C10orf90: variants seen among roughly 807,000 people sequenced by gnomAD.
The protein encoded by C10orf90 is (E2-independent) E3 ubiquitin-conjugating enzyme FATS.
In C10orf90, 56 loss-of-function variants were observed where a neutral mutation model predicts 62.5. That is an observed-to-expected ratio of 0.90 (90% CI 0.72 to 1.12). The LOEUF (loss-of-function observed/expected upper bound fraction) is 1.12, where lower values mean the gene tolerates loss of function less well. Among genes scored for constraint, C10orf90 ranks in the 50% most tolerant of loss-of-function variants. The pLI, the probability that C10orf90 is intolerant of heterozygous loss-of-function variation, is 0.00. For missense variants in C10orf90, 970 were observed against 880.4 expected, an observed-to-expected ratio of 1.10 and a Z score of -1.29; for synonymous variants, 386 against 340.4, an observed-to-expected ratio of 1.13 and a Z score of -1.47.
intron 1 of C10orf90, among the ~76,000 whole-genome samples, chr10:126,653,926 T>C (rs1302240410): frequency 1.3e-5 from 2 of 152,230 alleles, no homozygotes; most frequent in African/African-American, 4.8e-5. Flanking sequence ...AGCTCTTGGG[T>C]AACTGGGTAC....
rs11245037 is a variant in C10orf90 at position 126,551,255 on chromosome 10, T to C, written c.314-37316A>G. Among the ~76,000 whole-genome samples the C allele has an allele frequency of 1.1e-4, 16 of 152,346 alleles. No individual in the cohort carries two copies. In the East Asian group the frequency reaches 2.9e-3, roughly 28 times the overall value. The stretch of plus-strand genomic sequence containing the variant: ...AGAGAGAACATTTGCTATAATGCAC[T>C]GGCAAATAATAAATGCTTAGTAGCT... On this transcript the variant is annotated intron_variant, in intron 2 of 9. Coordinates refer to ENST00000488181, the MANE Select transcript of C10orf90 (RefSeq NM_001350921.2).
chr10:126,569,752 T>C (rs1383434234), intron 2 of C10orf90, among the ~76,000 whole-genome samples: 1 of 152,098 alleles, frequency 6.6e-6, no homozygotes, highest in Non-Finnish European at 1.5e-5. Context: ...CTCAGTGTTA[T>C]AAAAGAATAG....
At chr10:126,427,787 T>G (rs996355861) in intron 8 of C10orf90, among the ~76,000 whole-genome samples, 11 of 152,210 alleles carry the variant, frequency 7.2e-5, no homozygotes, top group African/African-American at 2.7e-4. Context: ...GCTTTTGACT[T>G]GGACTGAGCC....
intron 3 of C10orf90, among the ~76,000 whole-genome samples, chr10:126,505,365 G>A (rs1477291796): frequency 6.6e-6 from 1 of 152,140 alleles, no homozygotes; most frequent in African/African-American, 2.4e-5. Flanking sequence ...ATGTGTCAAC[G>A]GGGATCATCT....
intron 2 of C10orf90, among the ~76,000 whole-genome samples, chr10:126,625,614 G>A (rs1172623641): frequency 1.3e-5 from 2 of 152,160 alleles, no homozygotes; most frequent in Non-Finnish European, 2.9e-5. Flanking sequence ...GGCAGTGCAG[G>A]CTGAGTTTGC....
intron 1 of C10orf90, among the ~76,000 whole-genome samples, chr10:126,653,606 T>C (rs1846334073): frequency 1.3e-5 from 2 of 152,156 alleles, no homozygotes. Context: ...CTCGAACCCC[T>C]CAAAGTCATC....
intron 4 of C10orf90, among the ~76,000 whole-genome samples, chr10:126,487,040 G>A (rs1195811390): frequency 6.6e-6 from 1 of 150,748 alleles, no homozygotes; most frequent in African/African-American, 2.4e-5. Context: ...AGCTACTTGG[G>A]AGGCTGAGGC....
chr10:126,502,118 C>T (rs995198368), intron 4 of C10orf90, among the ~76,000 whole-genome samples: 150 of 141,364 alleles, frequency 1.1e-3, no homozygotes, highest in African/African-American at 4.0e-3. Context: ...CACACACACA[C>T]CACACACACA....
At position 126,464,752 on chromosome 10, in the gene C10orf90, A is replaced by T. The variant is rs148047002; in HGVS notation, c.1769T>A (p.Val590Glu). The change falls in exon 5 of 10, where the codon GTA (valine) becomes GAA (glutamate). Residue 590 changes from valine to glutamate, a missense_variant. Physicochemically the swap from Val to Glu is moderately radical, Grantham distance 121. Transcript: ENST00000488181. The stretch of plus-strand genomic sequence containing the variant: ...ATTGTCTTCCTGCAGAGATGCACAT[A>T]CATCTTGTAAGGGGCAAAGAAACCC... ...FPGFLCPLQD[V>E]CASLQEDNGV... 1.6e-4 allele frequency: 251 copies of T among 1,613,976 alleles called. No individual in the cohort carries two copies. The highest frequency in any genetic ancestry group is 1.2e-4 in the Non-Finnish European group (137 of 1,180,014).
intron 3 of C10orf90, among the ~76,000 whole-genome samples, chr10:126,512,338 A>ATGTGTGTGTG (rs1303066476): frequency 1.0e-3 from 103 of 100,314 alleles, no homozygotes; most frequent in African/African-American, 3.6e-3. Flanking sequence ...ATGTGTGTGT[A>ATGTGTGTGTG]TGTGTGTGTG....
At chr10:126,571,058 C>T (rs554237464) in intron 2 of C10orf90, among the ~76,000 whole-genome samples, 11 of 152,118 alleles carry the variant, frequency 7.2e-5, no homozygotes, top group Non-Finnish European at 1.2e-4. Context: ...ATGTGCTTGC[C>T]GCAGGAAATT....
chr10:126,603,576 C>T (rs1412795023), intron 2 of C10orf90, among the ~76,000 whole-genome samples: 3 of 152,158 alleles, frequency 2.0e-5, no homozygotes, highest in African/African-American at 2.4e-5. Flanking sequence ...GCCCTGATTG[C>T]TAGCTGTGTG....
chr10:126,662,174 A>T (rs1846529443), intron 1 of C10orf90, among the ~76,000 whole-genome samples: 1 of 152,104 alleles, frequency 6.6e-6, no homozygotes, highest in South Asian at 2.1e-4. Flanking sequence ...TGGTTTTAAA[A>T]TTATTATGGG....
At chr10:126,634,466 G>A (rs754716063) in intron 2 of C10orf90, among the ~76,000 whole-genome samples, 5 of 152,098 alleles carry the variant, frequency 3.3e-5, no homozygotes, top group Non-Finnish European at 7.4e-5. Context: ...GGAAGGCAGG[G>A]AAACATGAAG....
intron 2 of C10orf90, among the ~76,000 whole-genome samples, chr10:126,546,416 A>T (rs1564865993): frequency 6.6e-6 from 1 of 151,964 alleles, no homozygotes; most frequent in South Asian, 2.1e-4. Context: ...TTCCACCCCC[A>T]CCCAGCAGTA....
intron 2 of C10orf90, among the ~76,000 whole-genome samples, chr10:126,541,345 C>A (rs10751562): frequency 0.65 from 98,330 of 151,844 alleles, 32,824 homozygotes; most frequent in African/African-American, 0.81. Flanking sequence ...TTTTAAAAAA[C>A]ATTTAAAGAA....
chr10:126,594,179 C>T (rs560152779), intron 2 of C10orf90, among the ~76,000 whole-genome samples: 39 of 149,608 alleles, frequency 2.6e-4, no homozygotes, highest in Admixed American at 1.4e-3. Context: ...AAACTTCCCT[C>T]TAGGCACATT....
At chr10:126,465,904 GC>G (rs1307339332) in intron 4 of C10orf90, among the ~76,000 whole-genome samples, 2 of 152,198 alleles carry the variant, frequency 1.3e-5, no homozygotes. Flanking sequence ...CCCAGTAAAT[GC>G]TTTTAGACTC....
At position 126,560,488 on chromosome 10, in the gene C10orf90, G is replaced by A. The variant is rs367821242; in HGVS notation, c.314-46549C>T. Among the ~76,000 whole-genome samples the A allele has an allele frequency of 7.9e-5, 12 of 152,210 alleles. No homozygotes were observed. In the East Asian group the frequency reaches 1.5e-3, roughly 20 times the overall value. On this transcript the variant is annotated intron_variant, in intron 2 of 9. Coordinates refer to ENST00000488181, the MANE Select transcript of C10orf90 (RefSeq NM_001350921.2). ...CACCACCAGGAAGCCTCGTCACTGTGTCCAGTCCTGACTCACAATGGCCTT... is the reference window on the plus strand; with the variant it reads ...CACCACCAGGAAGCCTCGTCACTGTATCCAGTCCTGACTCACAATGGCCTT...
Sources: allele counts gnomAD v4.1 joint callset (sites outside exome capture counted in the v4.1 genomes callset), GRCh38; gene constraint gnomAD v4.1.1; transcripts MANE v1.5; gene names NCBI Gene and HGNC (gene_info 2026-07-23, HGNC 2026-07-21).